P2RY12: variants seen among roughly 807,000 people sequenced by gnomAD.
P2RY12 encodes the protein P2Y purinoceptor 12.
A neutral mutation model predicts 4.5 loss-of-function variants in P2RY12; 3 were observed. That is an observed-to-expected ratio of 0.67 (90% CI 0.31 to 1.74). P2RY12 has a LOEUF of 1.74. P2RY12 is among the 40% of genes most tolerant of loss of function. The pLI, the probability that P2RY12 is intolerant of heterozygous loss-of-function variation, is 0.09. For synonymous variants in P2RY12, 148 were observed against 154.1 expected, an observed-to-expected ratio of 0.96 and a Z score of 0.29; for missense variants, 356 against 407.8, an observed-to-expected ratio of 0.87 and a Z score of 1.09.
chr3:151,348,340 C>CAAAAAAAAAAAAAAAAAAA (rs11382065), intron 1 of P2RY12, among the ~76,000 whole-genome samples: 2 of 87,804 alleles, frequency 2.3e-5, no homozygotes, highest in Non-Finnish European at 2.2e-5. Context: ...ACCACCAGAC[C>CAAAAAAAAAAAAAAAAAAA]AAAAAAAAAA....
chr3:151,363,682 A>C (rs1754905921), intron 1 of P2RY12, among the ~76,000 whole-genome samples: 2 of 152,206 alleles, frequency 1.3e-5, no homozygotes, highest in Non-Finnish European at 2.9e-5. Context: ...CATTTAGTAG[A>C]TGACTTTAGT....
intron 2 of P2RY12, among the ~76,000 whole-genome samples, chr3:151,339,157 A>G (rs1221073277): frequency 6.6e-6 from 1 of 152,114 alleles, no homozygotes; most frequent in East Asian, 1.9e-4. Flanking sequence ...GAGCTCACTC[A>G]TATTTATATG....
intron 1 of P2RY12, chr3:151,376,763 A>G (rs1756907379): frequency 6.6e-7 from 1 of 1,506,418 alleles, no homozygotes. Flanking sequence ...AACACATTTG[A>G]TACCCATAAT....
intron 1 of P2RY12, among the ~76,000 whole-genome samples, chr3:151,358,849 G>A (rs954439372): frequency 6.6e-6 from 1 of 152,106 alleles, no homozygotes; most frequent in Non-Finnish European, 1.5e-5. Context: ...CTATACGATG[G>A]ATACCTAAAC....
At chr3:151,378,016 T>A in intron 1 of P2RY12, 1 of 1,597,678 alleles carries the variant, frequency 6.3e-7, no homozygotes. Context: ...TTTTAGTTCC[T>A]CCGAACGCAG....
Position 151,338,353 on chromosome 3 carries a change from T to C in P2RY12, c.493A>G (p.Arg165Gly). 1.9e-6 allele frequency: 3 copies of C among 1,614,154 alleles called. No homozygotes were observed. The highest frequency in any genetic ancestry group is 2.5e-6 in the Non-Finnish European group (3 of 1,180,016). Residue 165 changes from arginine to glycine, a missense_variant, in exon 3 of 3, where the codon AGG (arginine) becomes GGG (glycine). By Grantham distance (125) the Arg-to-Gly change is moderately radical (BLOSUM62 -2). Transcript: ENST00000302632. Reference sequence around the variant, plus strand: ...TTCACATTCTTGTCTCTCGGCTGCCTGTTGGTCAGAATCATGTTAGGCAAA... The same window carrying C: ...TTCACATTCTTGTCTCTCGGCTGCCCGTTGGTCAGAATCATGTTAGGCAAA... ...LSLPNMILTN[R>G]QPRDKNVKKC...
rs12485559 is a variant in P2RY12 at position 151,353,917 on chromosome 3, G to A, written c.-179-13157C>T. Among the ~76,000 whole-genome samples, 1,517 of 151,868 alleles carry A rather than the reference G, an allele frequency of 1.0e-2. 14 individuals are homozygous for A. The highest frequency in any genetic ancestry group is 0.03 in the Admixed American group (454 of 15,272). The stretch of plus-strand genomic sequence containing the variant: ...AGCACTTTGGGAGGCCGAGGCGGGC[G>A]GATCACGAGGTCAGGAGATCGAGAC... On this transcript the variant is annotated intron_variant, in intron 1 of 2. Coordinates refer to ENST00000302632, the MANE Select transcript of P2RY12 (RefSeq NM_022788.5).
chr3:151,347,734 G>A (rs772538725), intron 1 of P2RY12, among the ~76,000 whole-genome samples: 15 of 152,318 alleles, frequency 9.8e-5, no homozygotes, highest in Non-Finnish European at 1.8e-4. Flanking sequence ...ATTAACAGTA[G>A]TGAACACTGT....
chr3:151,384,107 C>T, intron 1 of P2RY12: 1 of 1,613,670 alleles, frequency 6.2e-7, no homozygotes, highest in Non-Finnish European at 8.5e-7. Flanking sequence ...CAGTTCTTGA[C>T]ATGCTGGGTG....
intron 1 of P2RY12, chr3:151,364,939 TTTTA>T: frequency 7.1e-7 from 1 of 1,403,116 alleles, no homozygotes; most frequent in Non-Finnish European, 1.0e-6. Context: ...GTTATTCTAG[TTTTA>T]TTTTTCTGTT....
At chr3:151,368,169 C>T (rs1420314847) in intron 1 of P2RY12, 30 of 1,613,824 alleles carry the variant, frequency 1.9e-5, no homozygotes, top group East Asian at 6.7e-5. Flanking sequence ...ATGCGGACGC[C>T]GAGCCTGGGG....
Position 151,337,184 on chromosome 3 carries a change from T to C in P2RY12, c.*633A>G, listed in dbSNP as rs1202726185. On this transcript the variant is annotated 3_prime_UTR_variant, in exon 3 of 3. Transcript: ENST00000302632. ...TTTAATGACTTCGATATTTCTTCTC[T>C]TTATTGTAAAGGTCTTCTTTAAATC... The C allele has an allele frequency of 6.6e-6, 1 of 150,768 alleles. No homozygotes were observed. Among genetic ancestry groups the C allele is most frequent in the African/African-American group, 2.4e-5 (1 of 41,376 alleles). The allele number at this position is 150,768 out of a possible 1,614,324, so 9.3% of individuals were successfully genotyped here.
At chr3:151,365,194 A>G in intron 1 of P2RY12, 1 of 1,613,816 alleles carries the variant, frequency 6.2e-7, no homozygotes, top group Non-Finnish European at 8.5e-7. Context: ...ATGGGCCATC[A>G]GGATGCTGGC....
chr3:151,343,065 A>G (rs911901438), intron 1 of P2RY12, among the ~76,000 whole-genome samples: 7 of 151,584 alleles, frequency 4.6e-5, no homozygotes, highest in African/African-American at 1.7e-4. Flanking sequence ...TCCCTATCAC[A>G]CCCTCTCCTC....
intron 1 of P2RY12, among the ~76,000 whole-genome samples, chr3:151,369,981 T>C (rs1383911663): frequency 6.6e-6 from 1 of 152,176 alleles, no homozygotes; most frequent in East Asian, 1.9e-4. Flanking sequence ...GTATTTTTGC[T>C]CCTATCATGA....
chr3:151,365,282 TAGTA>T (rs1328350188), intron 1 of P2RY12: 13 of 1,231,352 alleles, frequency 1.1e-5, no homozygotes, highest in Non-Finnish European at 1.6e-5. Flanking sequence ...TTGATGTCGT[TAGTA>T]AGTGTCTGGA....
chr3:151,362,589 A>G (rs906310735), intron 1 of P2RY12, among the ~76,000 whole-genome samples: 1 of 151,822 alleles, frequency 6.6e-6, no homozygotes, highest in African/African-American at 2.4e-5. Flanking sequence ...CCCACTGTAG[A>G]TTCTATATTT....
At position 151,368,696 on chromosome 3, in the gene P2RY12, TTTCATTTCATTTCATTTC is replaced by T. The variant is rs1560087689; in HGVS notation, c.-180+15978_-180+15995del. ...TTTCATGTCATTTCATTTTATTTCA[TTTCATTTCATTTCATTTC>T]ATTTCATTTCATTTCATTTCATTTC... On this transcript the variant is annotated intron_variant, in intron 1 of 2. Transcript: ENST00000302632. Among the ~76,000 whole-genome samples, 42 of 54,858 alleles carry T rather than the reference TTTCATTTCATTTCATTTC, an allele frequency of 7.7e-4. 1 individual carries two copies. Among genetic ancestry groups the T allele is most frequent in the African/African-American group, 3.2e-3 (35 of 10,810 alleles). The allele number at this position is 54,858 out of a possible 152,430, so 36.0% of individuals were successfully genotyped here.
intron 1 of P2RY12, chr3:151,376,773 T>C: frequency 2.5e-6 from 4 of 1,585,998 alleles, no homozygotes; most frequent in Non-Finnish European, 3.5e-6. Flanking sequence ...ATACCCATAA[T>C]GTTTTAATTC....
Sources: gnomAD v4.1 joint callset for allele counts (sites outside exome capture counted in the v4.1 genomes callset) on GRCh38, gnomAD v4.1.1 for gene constraint, MANE v1.5 for transcripts, NCBI Gene and HGNC (gene_info 2026-07-23, HGNC 2026-07-21) for gene names.